Variants in SH3D19 observed in about 807,000 individuals in gnomAD.
SH3D19 encodes SH3 domain containing 19.
A neutral mutation model predicts 112.1 loss-of-function variants in SH3D19; 58 were observed. The ratio of observed to expected loss-of-function variants is 0.52; its 90% CI spans 0.42 to 0.64. The LOEUF is 0.64. Among genes scored for constraint, SH3D19 ranks in the 30% least tolerant of loss-of-function variants. SH3D19 has a pLI of 0.00. For missense variants in SH3D19, 1,090 were observed against 1,263.4 expected, an observed-to-expected ratio of 0.86 and a Z score of 2.08; for synonymous variants, 391 against 448.5, an observed-to-expected ratio of 0.87 and a Z score of 1.62.
chr4:151,303,891 T>C (rs1173348527), intron 1 of SH3D19, among the ~76,000 whole-genome samples: 3 of 152,046 alleles, frequency 2.0e-5, no homozygotes, highest in Non-Finnish European at 4.4e-5. Context: ...CTGTAGAATG[T>C]AGAAAAACTT....
chr4:151,219,691 G>A (rs569098829), intron 2 of SH3D19, among the ~76,000 whole-genome samples: 16 of 152,106 alleles, frequency 1.1e-4, no homozygotes, highest in East Asian at 9.7e-4. Flanking sequence ...TTTTTCTTCC[G>A]TATGCGTAGT....
intron 1 of SH3D19, among the ~76,000 whole-genome samples, chr4:151,239,413 G>GTT (rs200251701): frequency 2.0e-5 from 3 of 150,798 alleles, no homozygotes; most frequent in African/African-American, 4.9e-5. Context: ...TGTTGTTTTT[G>GTT]TTTTTTTTTA....
At chr4:151,236,640 T>C (rs1770076388) in intron 1 of SH3D19, among the ~76,000 whole-genome samples, 1 of 152,078 alleles carries the variant, frequency 6.6e-6, no homozygotes, top group African/African-American at 2.4e-5. Context: ...TGGAGAACTT[T>C]TGTGTCTAGC....
chr4:151,262,013 AAAAT>A (rs1347504176), intron 1 of SH3D19, among the ~76,000 whole-genome samples: 2 of 152,196 alleles, frequency 1.3e-5, no homozygotes, highest in Non-Finnish European at 2.9e-5. Flanking sequence ...TTTCTATAGA[AAAAT>A]AAATACATAT....
rs1748070606 is a variant in SH3D19, at chr4:151,122,213, A to C, written c.3028-6T>G. On this transcript the variant is annotated splice_region_variant and splice_polypyrimidine_tract_variant and intron_variant, in intron 19 of 19. Coordinates refer to ENST00000604030, the MANE Select transcript of SH3D19 (RefSeq NM_001378122.1). ...TCTGTTATTATATCTCCAGCCTGTAAGACAAAAGGAGTTAGAATTACTGGT... is the reference window on the plus strand; with the variant it reads ...TCTGTTATTATATCTCCAGCCTGTACGACAAAAGGAGTTAGAATTACTGGT... 1 of 1,473,380 alleles carries C rather than the reference A, an allele frequency of 6.8e-7. No individual in the cohort carries two copies. Among genetic ancestry groups the C allele is most frequent in the Non-Finnish European group, 9.5e-7 (1 of 1,053,670 alleles). 91.3% of individuals were successfully genotyped at this position (1,473,380 alleles called of 1,614,324 possible). A position where few individuals can be genotyped will look rare whatever the true frequency, so the allele number is the denominator to read the frequency against.
At chr4:151,325,214 C>A in intron 1 of SH3D19, 27 bp downstream of exon 1, 1 of 1,193,070 alleles carries the variant, frequency 8.4e-7, no homozygotes, top group South Asian at 4.3e-5. Flanking sequence ...TCTGGGTCCC[C>A]GCCGCCCCGT....
intron 2 of SH3D19, among the ~76,000 whole-genome samples, chr4:151,192,982 C>T (rs1346063340): frequency 6.6e-6 from 1 of 150,514 alleles, no homozygotes; most frequent in Non-Finnish European, 1.5e-5. Flanking sequence ...TTTAATCACA[C>T]ATTCCTGTCT....
chr4:151,249,261 G>A (rs1288149291), intron 1 of SH3D19, among the ~76,000 whole-genome samples: 1 of 152,072 alleles, frequency 6.6e-6, no homozygotes, highest in East Asian at 1.9e-4. Context: ...TATTTTCTTA[G>A]TTCAATAAAA....
chr4:151,221,835 A>C (rs1254107666), intron 2 of SH3D19, among the ~76,000 whole-genome samples: 1 of 152,206 alleles, frequency 6.6e-6, no homozygotes, highest in Non-Finnish European at 1.5e-5. Flanking sequence ...AACTGTAAAG[A>C]CTGGGAACTT....
At chr4:151,226,141 G>T in intron 1 of SH3D19, 55 bp from the exon 2 acceptor site, 1 of 1,229,748 alleles carries the variant, frequency 8.1e-7, no homozygotes, top group Non-Finnish European at 1.0e-6. Flanking sequence ...GCTCTGGAAA[G>T]AAGTTTTTAA....
At chr4:151,266,712 G>T (rs1772819411) in intron 1 of SH3D19, among the ~76,000 whole-genome samples, 1 of 152,166 alleles carries the variant, frequency 6.6e-6, no homozygotes, top group African/African-American at 2.4e-5. Context: ...GAGATTACTT[G>T]AGTCAAGTCA....
chr4:151,198,292 G>A (rs1321605190), intron 2 of SH3D19, among the ~76,000 whole-genome samples: 31 of 135,906 alleles, frequency 2.3e-4, no homozygotes, highest in African/African-American at 6.3e-4. Flanking sequence ...GTGACACAGC[G>A]AGACTCTGTC....
At chr4:151,155,320 C>T (rs983412126) in intron 9 of SH3D19, among the ~76,000 whole-genome samples, 12 of 152,244 alleles carry the variant, frequency 7.9e-5, no homozygotes, top group East Asian at 7.7e-4. Flanking sequence ...AGTTTATTAC[C>T]AGCTACTTTG....
At chr4:151,191,715 G>A (rs561967739) in intron 2 of SH3D19, among the ~76,000 whole-genome samples, 3 of 151,956 alleles carry the variant, frequency 2.0e-5, no homozygotes, top group East Asian at 1.9e-4. Context: ...GCGCAATCTC[G>A]GCTCACTGCA....
At chr4:151,289,560 G>A (rs934599830) in intron 1 of SH3D19, among the ~76,000 whole-genome samples, 4 of 152,150 alleles carry the variant, frequency 2.6e-5, no homozygotes, top group Non-Finnish European at 4.4e-5. Context: ...CAAAGCATCT[G>A]AATAGATATT....
At chr4:151,194,573 C>T (rs1373824124) in intron 2 of SH3D19, among the ~76,000 whole-genome samples, 1 of 151,706 alleles carries the variant, frequency 6.6e-6, no homozygotes, top group Non-Finnish European at 1.5e-5. Context: ...CGCCACAACG[C>T]CCAGCTAATT....
intron 2 of SH3D19, among the ~76,000 whole-genome samples, chr4:151,206,957 C>G (rs1047347003): frequency 6.6e-6 from 1 of 152,198 alleles, no homozygotes; most frequent in Non-Finnish European, 1.5e-5. Flanking sequence ...CATATCCTAC[C>G]AAGCCCAAAT....
intron 1 of SH3D19, among the ~76,000 whole-genome samples, chr4:151,314,375 C>A (rs565931552): frequency 6.6e-6 from 1 of 152,334 alleles, no homozygotes; most frequent in East Asian, 1.9e-4. Flanking sequence ...AAAAACTACA[C>A]ATCACACATG....
intron 1 of SH3D19, chr4:151,277,051 G>A: frequency 1.6e-6 from 1 of 640,352 alleles, no homozygotes; most frequent in Non-Finnish European, 2.3e-6. Flanking sequence ...CCAAAGGAGA[G>A]GAGGGGGTGA....
Sources: gnomAD v4.1 joint callset for allele counts (sites outside exome capture counted in the v4.1 genomes callset) on GRCh38, gnomAD v4.1.1 for gene constraint, MANE v1.5 for transcripts, NCBI Gene and HGNC (gene_info 2026-07-23, HGNC 2026-07-21) for gene names.